MCTP2: variants seen among roughly 807,000 people sequenced by gnomAD.
MCTP2 encodes multiple C2 and transmembrane domain containing 2.
A neutral mutation model predicts 111.6 loss-of-function variants in MCTP2; 132 were observed. That is an observed-to-expected ratio of 1.18 (90% CI 1.03 to 1.37). The LOEUF (loss-of-function observed/expected upper bound fraction) is 1.37, where lower values mean the gene tolerates loss of function less well. Ranked by LOEUF, MCTP2 falls within the 40% of genes most tolerant of loss-of-function variation. MCTP2 has a pLI of 0.00. For missense variants in MCTP2, 1,183 were observed against 1,067.9 expected (o/e 1.11, Z -1.50); for synonymous variants, 395 against 387.7 (o/e 1.02, Z -0.22).
chr15:94,325,717 C>T (rs1386273124), intron 4 of MCTP2, among the ~76,000 whole-genome samples: 1 of 151,920 alleles, frequency 6.6e-6, no homozygotes, highest in Admixed American at 6.5e-5. Flanking sequence ...TAAATTTGAC[C>T]TAGAAAATGC....
intron 4 of MCTP2, among the ~76,000 whole-genome samples, chr15:94,316,625 T>G (rs1413761077): frequency 6.6e-6 from 1 of 152,218 alleles, no homozygotes; most frequent in Non-Finnish European, 1.5e-5. Flanking sequence ...TTCTTCTAAA[T>G]TTTTATAATT....
In MCTP2 at chr15:94,479,235, G is replaced by A. The variant is rs1340073446; in HGVS notation, c.*201G>A. The stretch of plus-strand genomic sequence containing the variant: ...CATGCATGGGTGTCCTAGTTGCGTA[G>A]AGGGTCAGCCCAGCGAAAAGCAACA... On this transcript the variant is annotated 3_prime_UTR_variant, in exon 23 of 23. Coordinates refer to ENST00000357742, the MANE Select transcript of MCTP2 (RefSeq NM_001385001.1). The A allele has an allele frequency of 1.7e-6, 1 of 605,032 alleles. No individual in the cohort carries two copies. Among genetic ancestry groups the A allele is most frequent in the Non-Finnish European group, 3.0e-6 (1 of 334,160 alleles). The allele number at this position is 605,032 out of a possible 1,614,324, so 37.5% of individuals were successfully genotyped here.
intron 17 of MCTP2, among the ~76,000 whole-genome samples, chr15:94,439,946 G>A (rs2083682351): frequency 6.6e-6 from 1 of 152,084 alleles, no homozygotes; most frequent in African/African-American, 2.4e-5. Context: ...GGCTTTTCAG[G>A]TATGAAGCCA....
At chr15:94,361,100 T>G (rs1041279464) in intron 10 of MCTP2, among the ~76,000 whole-genome samples, 3 of 142,420 alleles carry the variant, frequency 2.1e-5, no homozygotes, top group African/African-American at 7.7e-5. Flanking sequence ...TTTTTTTTTT[T>G]TTTTTTTTTT....
intron 6 of MCTP2, 129 bp downstream of exon 6, chr15:94,340,404 G>A (rs2152403511): frequency 1.4e-6 from 1 of 707,702 alleles, no homozygotes; most frequent in Middle Eastern, 2.7e-4. Context: ...GAGCTTTAAA[G>A]TGTTATAACT....
At chr15:94,372,316 TA>T (rs1216300452) in intron 12 of MCTP2, among the ~76,000 whole-genome samples, 2 of 152,234 alleles carry the variant, frequency 1.3e-5, no homozygotes, top group Non-Finnish European at 2.9e-5. Flanking sequence ...TCTTCGTTTT[TA>T]GAACTAAGTC....
chr15:94,477,669 G>C (rs1360426650), intron 22 of MCTP2, among the ~76,000 whole-genome samples: 1 of 152,108 alleles, frequency 6.6e-6, no homozygotes, highest in African/African-American at 2.4e-5. Flanking sequence ...AGCATAATTG[G>C]TTCCCTGGCA....
intron 14 of MCTP2, among the ~76,000 whole-genome samples, chr15:94,391,048 T>A (rs1258965864): frequency 6.6e-6 from 1 of 152,018 alleles, no homozygotes; most frequent in East Asian, 1.9e-4. Flanking sequence ...GCATTTTGAA[T>A]CAGATGTGAG....
intron 1 of MCTP2, among the ~76,000 whole-genome samples, chr15:94,256,471 C>T (rs999702847): frequency 6.6e-6 from 1 of 152,148 alleles, no homozygotes; most frequent in African/African-American, 2.4e-5. Context: ...ATATACTAAA[C>T]TTTGTCCTTA....
At chr15:94,349,768 C>T (rs1287648963) in intron 8 of MCTP2, among the ~76,000 whole-genome samples, 4 of 144,144 alleles carry the variant, frequency 2.8e-5, no homozygotes, top group African/African-American at 5.2e-5. Flanking sequence ...TGCAGTGAGC[C>T]GAGATCGCAG....
At chr15:94,437,058 G>C (rs541030655) in intron 17 of MCTP2, among the ~76,000 whole-genome samples, 3 of 147,316 alleles carry the variant, frequency 2.0e-5, no homozygotes, top group South Asian at 4.3e-4. Flanking sequence ...TTAAATAAAG[G>C]AAAGTTGATG....
intron 14 of MCTP2, among the ~76,000 whole-genome samples, chr15:94,390,090 GTATA>G (rs1168909587): frequency 0.029 from 1,892 of 64,732 alleles, 119 homozygotes; most frequent in African/African-American, 0.066. Flanking sequence ...ATATATATAT[GTATA>G]TATATATATA....
intron 8 of MCTP2, among the ~76,000 whole-genome samples, chr15:94,353,036 A>G (rs1466467468): frequency 6.6e-6 from 1 of 152,226 alleles, no homozygotes; most frequent in African/African-American, 2.4e-5. Context: ...AATAAGTAGA[A>G]TAAAGGTCTT....
rs920043276 is a variant in MCTP2 at position 94,480,279 on chromosome 15, AAAGTT to A, written c.*1249_*1253del. The A allele has an allele frequency of 5.9e-5, 9 of 152,338 alleles. No individual in the cohort carries two copies. Among genetic ancestry groups the A allele is most frequent in the South Asian group, 2.1e-4 (1 of 4,828 alleles). 9.4% of individuals were successfully genotyped at this position (152,338 alleles called of 1,614,324 possible). On this transcript the variant is annotated 3_prime_UTR_variant, in exon 23 of 23. Transcript: ENST00000357742. ...TTTTATGTATGTATGTATTATAAAA[AAAGTT>A]AAGGTTAAAAAGATCTCATTTAATA... is the stretch of plus-strand genomic sequence containing the variant.
intron 4 of MCTP2, among the ~76,000 whole-genome samples, chr15:94,320,821 A>C (rs1201336583): frequency 6.6e-6 from 1 of 152,208 alleles, no homozygotes; most frequent in Admixed American, 6.5e-5. Flanking sequence ...ACAAAAATTG[A>C]ATGACTTATT....
chr15:94,260,600 TTGCTC>T (rs1028852290), intron 1 of MCTP2, among the ~76,000 whole-genome samples: 71 of 152,266 alleles, frequency 4.7e-4, no homozygotes, highest in African/African-American at 1.7e-3. Flanking sequence ...GAAAAGACCG[TTGCTC>T]TGGTGGTGTA....
chr15:94,390,095 T>TGC (rs1284878320), intron 14 of MCTP2, among the ~76,000 whole-genome samples: 1 of 12,346 alleles, frequency 8.1e-5, no homozygotes, highest in Non-Finnish European at 2.1e-4. Context: ...TATATGTATA[T>TGC]ATATATATAT....
intron 4 of MCTP2, among the ~76,000 whole-genome samples, chr15:94,338,264 A>C (rs556239715): frequency 6.6e-4 from 100 of 152,196 alleles, no homozygotes; most frequent in African/African-American, 2.3e-3. Context: ...GCCGTGTTTC[A>C]AAATTAACTA....
chr15:94,384,014 C>G lies in MCTP2; in HGVS notation c.1583-8C>G. The G allele has an allele frequency of 6.3e-7, 1 of 1,597,528 alleles. No homozygotes were observed. The highest frequency in any genetic ancestry group is 1.7e-5 in the Admixed American group (1 of 59,980). ...TGTCTTTGACCGATGTGTATGTTAT[C>G]TTTCCAGGGAAGAGTGACCCATTTT... On this transcript the variant is annotated splice_region_variant and splice_polypyrimidine_tract_variant and intron_variant, in intron 12 of 22. Coordinates refer to ENST00000357742, the MANE Select transcript of MCTP2 (RefSeq NM_001385001.1).
Sources: allele counts gnomAD v4.1 joint callset (sites outside exome capture counted in the v4.1 genomes callset), GRCh38; gene constraint gnomAD v4.1.1; transcripts MANE v1.5; gene names NCBI Gene and HGNC (gene_info 2026-07-23, HGNC 2026-07-21).